The following USH2A variants were observed in gnomAD, a reference collection of about 807,000 sequenced individuals.
The protein encoded by USH2A is Usher syndrome 2A (autosomal recessive, mild).
USH2A carries 443 observed loss-of-function variants against 538.9 expected under a neutral mutation model. The observed-to-expected ratio is 0.82, with a 90% CI of 0.76 to 0.89. The LOEUF (loss-of-function observed/expected upper bound fraction) is 0.89. Ranked by LOEUF, USH2A falls within the 40% of genes least tolerant of loss-of-function variation. The probability of loss-of-function intolerance (pLI) is 0.00; values close to 1 mark genes in which losing one functional copy is unlikely to be tolerated. For synonymous variants in USH2A, 2,413 were observed against 2,273.5 expected (o/e 1.06, Z -1.75); for missense variants, 6,633 against 6,324.8 (o/e 1.05, Z -1.65).
At position 216,073,307 on chromosome 1, in the gene USH2A, A is replaced by T. The variant is rs762292270; in HGVS notation, c.5573-7T>A. 6.2e-7 allele frequency: 1 copy of T among 1,604,732 alleles called. No individual in the cohort carries two copies. Among genetic ancestry groups the T allele is most frequent in the Admixed American group, 1.7e-5 (1 of 58,472 alleles). On this transcript the variant is annotated splice_polypyrimidine_tract_variant and splice_region_variant and intron_variant, in intron 27 of 71. Transcript: ENST00000307340. The stretch of plus-strand genomic sequence containing the variant: ...TTCATGCAACCACCGAAACCTAGCA[A>T]ATAGTAAGGGATTAGTATCGCATAA...
At chr1:215,631,521 T>G (rs976639370) in intron 70 of USH2A, among the ~76,000 whole-genome samples, 1 of 152,186 alleles carries the variant, frequency 6.6e-6, no homozygotes, top group East Asian at 1.9e-4. Flanking sequence ...TAAAAATATT[T>G]GTAAAAAGCA....
chr1:216,198,197 T>A, intron 18 of USH2A, 118 bp downstream of exon 18: 1 of 1,478,368 alleles, frequency 6.8e-7, no homozygotes. Context: ...TTCCTTGGTC[T>A]ATGGAAGTTT....
chr1:216,383,786 C>T (rs1433314892), intron 3 of USH2A, among the ~76,000 whole-genome samples: 2 of 152,068 alleles, frequency 1.3e-5, no homozygotes, highest in Non-Finnish European at 2.9e-5. Flanking sequence ...AAGATCTTCC[C>T]ATCTTAGCCT....
intron 32 of USH2A, among the ~76,000 whole-genome samples, chr1:216,006,339 C>T (rs74794562): frequency 0.037 from 5,598 of 152,230 alleles, 336 homozygotes; most frequent in African/African-American, 0.13. Context: ...TGTCCAGTCT[C>T]TTGGTACCTT....
intron 51 of USH2A, 26 bp from the exon 52 acceptor site, chr1:215,786,900 A>T: frequency 1.2e-6 from 2 of 1,610,566 alleles, no homozygotes; most frequent in Non-Finnish European, 1.7e-6. Flanking sequence ...GGGGTGAGAG[A>T]GAGAGGGGTA....
chr1:215,682,696 A>G (rs1658277200), intron 61 of USH2A, among the ~76,000 whole-genome samples: 1 of 151,902 alleles, frequency 6.6e-6, no homozygotes, highest in African/African-American at 2.4e-5. Context: ...TTTTAGGGGT[A>G]TACTCCTACA....
intron 4 of USH2A, among the ~76,000 whole-genome samples, chr1:216,339,228 T>G (rs970258987): frequency 2.6e-5 from 4 of 151,518 alleles, no homozygotes; most frequent in African/African-American, 9.7e-5. Flanking sequence ...AAAAATTATT[T>G]ATGAAAAAGG....
At position 215,867,066 on chromosome 1, in the gene USH2A, G is replaced by A. The variant is rs201459385; in HGVS notation, c.8786C>T (p.Ala2929Val). The part of the protein sequence containing the change: ...TTLAGLPERG[A>V]NLTASVLNHT... ...GTTAAGGACACTCGCAGTGAGATTGGCTCCTCTCTCTGGAAGACCAGCTAA... is the reference window on the plus strand; with the variant it reads ...GTTAAGGACACTCGCAGTGAGATTGACTCCTCTCTCTGGAAGACCAGCTAA... Residue 2929 changes from alanine (A) to valine (V), a missense_variant, in exon 44 of 72, where the codon GCC becomes GTC. By Grantham distance (64) the Ala-to-Val change is moderately conservative (BLOSUM62 0). Transcript: ENST00000307340. The A allele has an allele frequency of 4.3e-6, 7 of 1,614,020 alleles. No homozygotes were observed. Among genetic ancestry groups the A allele is most frequent in the African/African-American group, 2.7e-5 (2 of 74,924 alleles).
chr1:215,931,141 G>A (rs1666353192), intron 38 of USH2A, among the ~76,000 whole-genome samples: 1 of 151,938 alleles, frequency 6.6e-6, no homozygotes, highest in Admixed American at 6.6e-5. Context: ...AATAAAAAAT[G>A]TGTGTTAATT....
chr1:215,847,096 A>C (rs1201026138), intron 44 of USH2A, among the ~76,000 whole-genome samples: 1 of 152,176 alleles, frequency 6.6e-6, no homozygotes, highest in Admixed American at 6.5e-5. Context: ...TTCAAAGACC[A>C]GTCTATTATT....
intron 37 of USH2A, among the ~76,000 whole-genome samples, chr1:215,952,898 C>G (rs1277063564): frequency 6.6e-6 from 1 of 152,134 alleles, no homozygotes; most frequent in Non-Finnish European, 1.5e-5. Context: ...GCAAAAATCA[C>G]AAGCATTCTT....
chr1:216,034,209 G>A (rs909488896), intron 32 of USH2A, among the ~76,000 whole-genome samples: 3 of 152,156 alleles, frequency 2.0e-5, no homozygotes, highest in Non-Finnish European at 4.4e-5. Context: ...TCACACCAGA[G>A]CTTGAACAGT....
chr1:216,307,187 A>G (rs1258479263), intron 9 of USH2A, among the ~76,000 whole-genome samples: 1 of 152,052 alleles, frequency 6.6e-6, no homozygotes, highest in African/African-American at 2.4e-5. Flanking sequence ...GCCATCAGGT[A>G]GGGTCAGGGT....
chr1:216,282,959 CT>C (rs1310149993), intron 11 of USH2A, among the ~76,000 whole-genome samples: 1 of 151,972 alleles, frequency 6.6e-6, no homozygotes, highest in Non-Finnish European at 1.5e-5. Context: ...ATATTTTAAT[CT>C]TTTGGTGATT....
intron 14 of USH2A, among the ~76,000 whole-genome samples, chr1:216,221,895 T>A (rs1405639203): frequency 4.6e-5 from 7 of 152,178 alleles, no homozygotes; most frequent in Admixed American, 2.0e-4. Flanking sequence ...GGCAAGAAAG[T>A]CAAAAGACTG....
At chr1:216,278,000 A>C (rs2036703133) in intron 11 of USH2A, among the ~76,000 whole-genome samples, 1 of 152,116 alleles carries the variant, frequency 6.6e-6, no homozygotes, top group South Asian at 2.1e-4. Flanking sequence ...GGTTTGTTAC[A>C]TCTGTTTAGC....
At chr1:216,112,924 A>G (rs1235745333) in intron 21 of USH2A, among the ~76,000 whole-genome samples, 1 of 152,030 alleles carries the variant, frequency 6.6e-6, no homozygotes, top group Non-Finnish European at 1.5e-5. Flanking sequence ...ACCCGCGAGC[A>G]TGTGTCCTTA....
intron 69 of USH2A, among the ~76,000 whole-genome samples, chr1:215,637,452 A>G (rs1656531074): frequency 6.6e-6 from 1 of 152,218 alleles, no homozygotes; most frequent in Admixed American, 6.5e-5. Context: ...TCAATAGAAA[A>G]TCTGTGTTGG....
chr1:216,099,730 C>T (rs1487911143), intron 21 of USH2A, among the ~76,000 whole-genome samples: 2 of 152,050 alleles, frequency 1.3e-5, no homozygotes, highest in African/African-American at 4.8e-5. Context: ...CAAAATGGTC[C>T]ATTCTTTTCA....
Sources: allele counts gnomAD v4.1 joint callset (sites outside exome capture counted in the v4.1 genomes callset), GRCh38; gene constraint gnomAD v4.1.1; transcripts MANE v1.5; gene names NCBI Gene and HGNC (gene_info 2026-07-23, HGNC 2026-07-21).